CRACDL: variants seen among roughly 807,000 people sequenced by gnomAD.
CRACDL encodes CRACD like.
In CRACDL, 26 loss-of-function variants were observed where a neutral mutation model predicts 70.6. That is an observed-to-expected ratio of 0.37 (90% CI 0.27 to 0.51). The LOEUF is 0.51. CRACDL is among the 20% of genes least tolerant of loss of function. The pLI is 0.94. For synonymous variants in CRACDL, 618 were observed against 615.2 expected (o/e 1.00, Z -0.07); for missense variants, 1,283 against 1,376.9 (o/e 0.93, Z 1.08).
In CRACDL at chr2:98,838,160, G is replaced by A. The variant is rs778995041; in HGVS notation, c.198C>T (p.Ile66=). 9.3e-6 allele frequency: 15 copies of A among 1,613,494 alleles called. No homozygotes were observed. The South Asian group carries it at 1.1e-4, about 12-fold the overall frequency. Residue 66 remains isoleucine, a synonymous_variant, in exon 3 of 10, where the codon ATC becomes ATT. Coordinates refer to ENST00000397899, the MANE Select transcript of CRACDL (RefSeq NM_207362.3). ...AGTCGTAGCCCACTGGCCCGGATTC[G>A]ATGGCAATGACCTCATTCCTCGTCT... The part of the protein sequence containing the change: ...QSQTRNEVIA[I]ESGPVGYDSE...
intron 1 of CRACDL, among the ~76,000 whole-genome samples, chr2:98,902,765 A>G (rs1187384301): frequency 1.3e-5 from 2 of 152,022 alleles, no homozygotes; most frequent in Non-Finnish European, 2.9e-5. Context: ...TGGGACCCGG[A>G]GTCACCCCCG....
Position 98,823,548 on chromosome 2 carries a change from TA to T in CRACDL, c.736-12del, listed in dbSNP as rs753411182. ...TTCAGACTGAGCGCGCTGAGAGAAATAAAGATAAAAAGCATCGTCGCTATAG... is the reference window on the plus strand; with the variant it reads ...TTCAGACTGAGCGCGCTGAGAGAAATAAGATAAAAAGCATCGTCGCTATAG... On this transcript the variant is annotated splice_polypyrimidine_tract_variant and intron_variant, in intron 6 of 9. Transcript: ENST00000397899. The surrounding 1 kb of genome is among the most constrained non-coding windows in gnomAD (Gnocchi z 4.0). 1.3e-6 allele frequency: 2 copies of T among 1,558,076 alleles called. No individual in the cohort carries two copies. The highest frequency in any genetic ancestry group is 4.7e-5 in the East Asian group (2 of 42,280).
chr2:98,920,593 A>T (rs1708779752), intron 1 of CRACDL, among the ~76,000 whole-genome samples: 1 of 152,002 alleles, frequency 6.6e-6, no homozygotes, highest in African/African-American at 2.4e-5. Flanking sequence ...GTCCCATCAG[A>T]CACAGCACAC....
At chr2:98,803,623 A>G (rs1037393603) in intron 7 of CRACDL, among the ~76,000 whole-genome samples, 1 of 152,152 alleles carries the variant, frequency 6.6e-6, no homozygotes, top group African/African-American at 2.4e-5. Context: ...GCTACTTCCA[A>G]TTTTCTCCAT....
rs376865473 is a variant in CRACDL, at chr2:98,826,976, G to A, written c.734C>T (p.Ser245Leu). ...QRSSKMRRLSSRAQSESLSDL... is the reference protein window; with the variant it reads ...QRSSKMRRLSLRAQSESLSDL... The stretch of plus-strand genomic sequence containing the variant: ...GTGTGGAGAAGGAAACCCAATTACC[G>A]ATGAGAGCCGCCTCATCTTACTCGA... The change falls in exon 6 of 10, where the codon TCG becomes TTG. Residue 245 changes from serine to leucine, a missense_variant and splice_region_variant. Physicochemically the swap from Ser to Leu is moderately radical, Grantham distance 145. Around this residue, in one of 2 missense-constraint regions of CRACDL, gnomAD observed 362 missense variants for 495.0 expected, o/e 0.73. Coordinates refer to ENST00000397899, the MANE Select transcript of CRACDL (RefSeq NM_207362.3). 6.8e-6 allele frequency: 11 copies of A among 1,609,488 alleles called. No homozygotes were observed. The highest frequency in any genetic ancestry group is 2.2e-5 in the East Asian group (1 of 44,810).
At chr2:98,883,805 T>C (rs2104620930) in intron 1 of CRACDL, among the ~76,000 whole-genome samples, 1 of 152,340 alleles carries the variant, frequency 6.6e-6, no homozygotes, top group East Asian at 1.9e-4. Context: ...ACAAGGCCTG[T>C]CATCCAGGCT....
intron 7 of CRACDL, among the ~76,000 whole-genome samples, chr2:98,818,770 C>T (rs1704902465): frequency 6.6e-6 from 1 of 152,148 alleles, no homozygotes; most frequent in Non-Finnish European, 1.5e-5. Flanking sequence ...AGCTTCACTG[C>T]TGGGGTCTGA....
At chr2:98,834,619 T>G (rs1705690328) in intron 3 of CRACDL, among the ~76,000 whole-genome samples, 1 of 152,046 alleles carries the variant, frequency 6.6e-6, no homozygotes, top group East Asian at 1.9e-4. Flanking sequence ...GGGAAAGAAA[T>G]AACTAGATGA....
At chr2:98,905,166 C>T (rs533744339) in intron 1 of CRACDL, among the ~76,000 whole-genome samples, 11 of 149,320 alleles carry the variant, frequency 7.4e-5, no homozygotes, top group Non-Finnish European at 1.3e-4. Context: ...AGGAGAATGG[C>T]GTGAACCCGG....
intron 9 of CRACDL, among the ~76,000 whole-genome samples, chr2:98,795,084 T>TTTTTTTTTTGAGACAGAAG (rs1703759986): frequency 8.3e-6 from 1 of 120,112 alleles, no homozygotes; most frequent in African/African-American, 3.2e-5. Context: ...TATATTTTTT[T>TTTTTTTTTTGAGACAGAAG]TTTTTTTTGA....
At position 98,823,010 on chromosome 2, in the gene CRACDL, G is replaced by C; in HGVS notation, c.1263C>G (p.Thr421=). The C allele has an allele frequency of 2.0e-6, 3 of 1,515,906 alleles. No homozygotes were observed. Among genetic ancestry groups the C allele is most frequent in the Non-Finnish European group, 2.6e-6 (3 of 1,132,142 alleles). 93.9% of individuals were successfully genotyped at this position (1,515,906 alleles called of 1,614,324 possible). A position where few individuals can be genotyped will look rare whatever the true frequency, so the allele number is the denominator to read the frequency against. ...TTPPETDPAA[T]SEAPSARDGP... The stretch of plus-strand genomic sequence containing the variant: ...CGTCGCGAGCAGAGGGCGCCTCTGA[G>C]GTGGCGGCGGGGTCAGTCTCGGGGG... The change falls in exon 7 of 10, where the codon ACC becomes ACG. Residue 421 remains threonine, a synonymous_variant. Coordinates refer to ENST00000397899, the MANE Select transcript of CRACDL (RefSeq NM_207362.3). This position sits in a 1 kb window ranked among gnomAD's most constrained non-coding sequence, Gnocchi z 4.0.
At chr2:98,915,573 C>G (rs1233240301) in intron 1 of CRACDL, among the ~76,000 whole-genome samples, 1 of 152,120 alleles carries the variant, frequency 6.6e-6, no homozygotes, top group Non-Finnish European at 1.5e-5. Flanking sequence ...CAGCCATCAG[C>G]TCTGCCAGGT....
chr2:98,829,847 T>C (rs1412073774), intron 5 of CRACDL, among the ~76,000 whole-genome samples: 1 of 151,978 alleles, frequency 6.6e-6, no homozygotes, highest in Non-Finnish European at 1.5e-5. Context: ...GGCCTGGCTG[T>C]TCGAGGGGTG....
chr2:98,908,293 C>T (rs747239462), intron 1 of CRACDL: 2 of 152,284 alleles, frequency 1.3e-5, no homozygotes, highest in African/African-American at 4.8e-5. Context: ...GCATCTCTTC[C>T]AGACAATTCC....
chr2:98,930,136 G>A lies in CRACDL; in HGVS notation c.-11+5802C>T, dbSNP rs114819696. ...AACCATCCCTGTGTCTCTCCAACACGACGGGGCGTATGTCTTGGCCCAGGG... is the reference window on the plus strand; with the variant it reads ...AACCATCCCTGTGTCTCTCCAACACAACGGGGCGTATGTCTTGGCCCAGGG... On this transcript the variant is annotated intron_variant, in intron 1 of 9. Transcript: ENST00000397899. 9.8e-3 allele frequency among the ~76,000 whole-genome samples: 1,495 copies of A among 152,180 alleles called. 18 individuals carry two copies. The highest frequency in any genetic ancestry group is 0.041 in the Middle Eastern group (12 of 294).
intron 7 of CRACDL, among the ~76,000 whole-genome samples, chr2:98,813,928 T>G (rs1043875603): frequency 6.6e-6 from 1 of 152,204 alleles, no homozygotes; most frequent in African/African-American, 2.4e-5. Context: ...GTTTGATAGT[T>G]TGTGTCTTTC....
At chr2:98,806,947 T>A (rs1704328250) in intron 7 of CRACDL, among the ~76,000 whole-genome samples, 1 of 152,120 alleles carries the variant, frequency 6.6e-6, no homozygotes, top group South Asian at 2.1e-4. Flanking sequence ...CCTTTCTCTA[T>A]TACATCTGGG....
In CRACDL at chr2:98,822,549, G is replaced by C. The variant is rs750553841; in HGVS notation, c.1724C>G (p.Ser575Trp). 138 of 1,468,480 alleles carry C rather than the reference G, an allele frequency of 9.4e-5. No individual in the cohort carries two copies. The highest frequency in any genetic ancestry group is 1.2e-4 in the Non-Finnish European group (130 of 1,117,862). 91.0% of individuals were successfully genotyped at this position (1,468,480 alleles called of 1,614,324 possible). A position where few individuals can be genotyped will look rare whatever the true frequency, so the allele number is the denominator to read the frequency against. Residue 575 changes from serine to tryptophan, a missense_variant, in exon 7 of 10, where the codon TCG becomes TGG. By Grantham distance (177) the Ser-to-Trp change is radical. This residue lies in a region of CRACDL where 921 missense variants were observed against 881.9 expected (regional missense o/e 1.04). Transcript: ENST00000397899. The surrounding 1 kb of genome is among the most constrained non-coding windows in gnomAD (Gnocchi z 4.9). ...AGGCCGCGCTCGGCACGAGGACACC[G>C]AGAACTTCTTCGCGCCTCGCAGCTC... ...GAELRGAKKFSVSSCRARPRP... is the reference protein window; with the variant it reads ...GAELRGAKKFWVSSCRARPRP...
intron 1 of CRACDL, among the ~76,000 whole-genome samples, chr2:98,889,946 A>AT (rs1414258940): frequency 1.3e-5 from 2 of 152,210 alleles, no homozygotes; most frequent in African/African-American, 4.8e-5. Context: ...GAAGTAGAAA[A>AT]TACTTTGATA....
Sources: gnomAD v4.1 joint callset for allele counts (sites outside exome capture counted in the v4.1 genomes callset) on GRCh38, gnomAD v4.1.1 for gene constraint, gnomAD v4.1.1 regional missense constraint, Gnocchi (gnomAD v3.1) non-coding constraint, MANE v1.5 for transcripts, NCBI Gene and HGNC (gene_info 2026-07-23, HGNC 2026-07-21) for gene names.